NRXN3: variants seen among roughly 807,000 people sequenced by gnomAD.
NRXN3 encodes neurexin III.
NRXN3 carries 32 observed loss-of-function variants against 137.6 expected under a neutral mutation model. The observed-to-expected ratio is 0.23, with a 90% CI of 0.18 to 0.31. NRXN3 has a LOEUF of 0.31. Ranked by LOEUF, NRXN3 falls within the 10% of genes least tolerant of loss-of-function variation. NRXN3 has a pLI of 1.00. For missense variants in NRXN3, 1,574 were observed against 2,062.5 expected (o/e 0.76, Z 4.59); for synonymous variants, 798 against 784.5 (o/e 1.02, Z -0.29).
At chr14:79,573,861 A>G (rs1469237542) in intron 16 of NRXN3, among the ~76,000 whole-genome samples, 1 of 152,072 alleles carries the variant, frequency 6.6e-6, no homozygotes, top group African/African-American at 2.4e-5. Flanking sequence ...GTGGTTTCAA[A>G]TCAAGTCCAA....
At chr14:78,608,471 T>A (rs964393488) in intron 4 of NRXN3, among the ~76,000 whole-genome samples, 1 of 152,248 alleles carries the variant, frequency 6.6e-6, no homozygotes, top group Non-Finnish European at 1.5e-5. Flanking sequence ...GATTTGTATT[T>A]ATTTACATAT....
chr14:79,758,807 A>G (rs1292073304), intron 19 of NRXN3, among the ~76,000 whole-genome samples: 2 of 152,190 alleles, frequency 1.3e-5, no homozygotes, highest in Non-Finnish European at 2.9e-5. Context: ...CTGTTGTCCA[A>G]CCACACAAGC....
At chr14:78,436,465 A>G (rs1014895740) in intron 4 of NRXN3, among the ~76,000 whole-genome samples, 2 of 152,176 alleles carry the variant, frequency 1.3e-5, no homozygotes, top group Admixed American at 1.3e-4. Context: ...GAAAATAATC[A>G]TGCCAAAGAA....
At chr14:79,688,351 G>A (rs1011989827) in intron 17 of NRXN3, among the ~76,000 whole-genome samples, 1 of 152,072 alleles carries the variant, frequency 6.6e-6, no homozygotes, top group Non-Finnish European at 1.5e-5. Context: ...AGAGCCCATG[G>A]TCTTAACTCC....
chr14:79,020,278 CCTTCT>C (rs1177131072), intron 15 of NRXN3, among the ~76,000 whole-genome samples: 1 of 123,532 alleles, frequency 8.1e-6, no homozygotes, highest in African/African-American at 3.2e-5. Context: ...CCTTCCCTTC[CCTTCT>C]AGATGGATTT....
rs2074832379 is a variant in NRXN3 at position 78,284,154 on chromosome 14, T to G, written c.727+5492T>G. Among the ~76,000 whole-genome samples the G allele has an allele frequency of 2.0e-5, 3 of 152,250 alleles. No homozygotes were observed. The South Asian group carries it at 6.2e-4, about 32-fold the overall frequency. Reference sequence around the variant, plus strand: ...AAATCACTAAAGGGAAAAGTCAAGCTGGGAACTGCTTAGGGGAAACCTGCC... The same window carrying G: ...AAATCACTAAAGGGAAAAGTCAAGCGGGGAACTGCTTAGGGGAAACCTGCC... On this transcript the variant is annotated intron_variant, in intron 3 of 20. Transcript: ENST00000335750.
chr14:78,825,224 G>GAA (rs1392795116), intron 10 of NRXN3, among the ~76,000 whole-genome samples: 2 of 140,626 alleles, frequency 1.4e-5, no homozygotes, highest in Non-Finnish European at 3.1e-5. Flanking sequence ...AAAAGAAAAA[G>GAA]AAAAAGAAAA....
chr14:78,235,438 C>G (rs1327457382), intron 1 of NRXN3, among the ~76,000 whole-genome samples: 1 of 152,086 alleles, frequency 6.6e-6, no homozygotes, highest in East Asian at 1.9e-4. Context: ...TCTTCTTGGT[C>G]TGTCTGCCTC....
intron 19 of NRXN3, among the ~76,000 whole-genome samples, chr14:79,772,612 A>C (rs2099082449): frequency 6.6e-6 from 1 of 152,258 alleles, no homozygotes; most frequent in South Asian, 2.1e-4. Flanking sequence ...CTTACACCTT[A>C]TACAAAAATC....
rs1420786595 is a variant in NRXN3 at position 79,861,811 on chromosome 14, G to C, written c.4563G>C (p.Arg1521Ser). ...TCCTGTACGCCATGTACAAGTACAG[G>C]AACAGGGACGAGGGGTCCTATCAAG... ...LILLYAMYKYRNRDEGSYQVD... is the reference protein window; with the variant it reads ...LILLYAMYKYSNRDEGSYQVD... Residue 1521 changes from arginine to serine, a missense_variant, in exon 21 of 21, where the codon AGG (arginine) becomes AGC (serine). By Grantham distance (110) the Arg-to-Ser change is moderately radical. Around this residue, in one of 5 missense-constraint regions of NRXN3, gnomAD observed 320 missense variants for 387.1 expected, o/e 0.83. Coordinates refer to ENST00000335750, the MANE Select transcript of NRXN3 (RefSeq NM_001330195.2). The surrounding 1 kb of genome is among the most constrained non-coding windows in gnomAD (Gnocchi z 5.4). The C allele has an allele frequency of 6.2e-7, 1 of 1,614,074 alleles. No homozygotes were observed.
chr14:79,671,167 A>AT (rs1238115981), intron 17 of NRXN3, among the ~76,000 whole-genome samples: 1 of 152,014 alleles, frequency 6.6e-6, no homozygotes, highest in African/African-American at 2.4e-5. Context: ...TCTTATTCCC[A>AT]TTTTTTTAGA....
At chr14:79,660,643 C>A (rs1293377571) in intron 16 of NRXN3, among the ~76,000 whole-genome samples, 1 of 152,184 alleles carries the variant, frequency 6.6e-6, no homozygotes, top group Admixed American at 6.5e-5. Flanking sequence ...TACTTGGCCA[C>A]TGCTGTCACT....
At chr14:79,187,321 G>C (rs1383077645) in intron 15 of NRXN3, among the ~76,000 whole-genome samples, 1 of 152,152 alleles carries the variant, frequency 6.6e-6, no homozygotes, top group Non-Finnish European at 1.5e-5. Context: ...GCTAACATTT[G>C]TTTCCAGGAA....
rs112659844 is a variant in NRXN3 at position 78,922,613 on chromosome 14, C to A, written c.2276-34629C>A. ...TTCTTCAGGAACAGAAAACCAAACG[C>A]CACATGTTCTCACTCATAAATGGGA... On this transcript the variant is annotated intron_variant, in intron 10 of 20. Coordinates refer to ENST00000335750, the MANE Select transcript of NRXN3 (RefSeq NM_001330195.2). Among the ~76,000 whole-genome samples the A allele has an allele frequency of 2.4e-3, 359 of 152,248 alleles. 1 individual carries two copies. Among genetic ancestry groups the A allele is most frequent in the African/African-American group, 7.9e-3 (329 of 41,554 alleles).
intron 19 of NRXN3, among the ~76,000 whole-genome samples, chr14:79,784,906 T>C (rs1383415851): frequency 2.0e-5 from 3 of 152,200 alleles, no homozygotes; most frequent in African/African-American, 4.8e-5. Context: ...CGGGGCTTTA[T>C]TGACTGTTGT....
chr14:78,714,548 C>T (rs1208835581), intron 7 of NRXN3, among the ~76,000 whole-genome samples: 1 of 152,176 alleles, frequency 6.6e-6, no homozygotes, highest in Non-Finnish European at 1.5e-5. Flanking sequence ...TTTTCTGGGT[C>T]TTCCTAAGGG....
intron 15 of NRXN3, among the ~76,000 whole-genome samples, chr14:79,075,343 A>G (rs890720440): frequency 6.6e-6 from 1 of 152,204 alleles, no homozygotes; most frequent in African/African-American, 2.4e-5. Flanking sequence ...TGATGCACAC[A>G]TTATTGCATT....
intron 15 of NRXN3, among the ~76,000 whole-genome samples, chr14:79,445,872 T>C (rs766846656): frequency 6.6e-6 from 1 of 152,262 alleles, no homozygotes; most frequent in Middle Eastern, 3.4e-3. Context: ...CTAAGGCAAT[T>C]GGAATCCATT....
chr14:79,162,535 G>A (rs552152077), intron 15 of NRXN3, among the ~76,000 whole-genome samples: 50 of 151,758 alleles, frequency 3.3e-4, no homozygotes, highest in Admixed American at 9.8e-4. Flanking sequence ...AAAAGTGGGC[G>A]AAGGACATGA....
Sources: gnomAD v4.1 joint callset for allele counts (sites outside exome capture counted in the v4.1 genomes callset) on GRCh38, gnomAD v4.1.1 for gene constraint, gnomAD v4.1.1 regional missense constraint, Gnocchi (gnomAD v3.1) non-coding constraint, MANE v1.5 for transcripts, NCBI Gene and HGNC (gene_info 2026-07-23, HGNC 2026-07-21) for gene names.